The following GNG7 variants were observed in gnomAD, a reference collection of about 807,000 sequenced individuals.
GNG7 encodes the protein G protein subunit gamma 7, also known as guanine nucleotide-binding protein G(I)/G(S)/G(O) subunit gamma-7.
A neutral mutation model predicts 4.0 loss-of-function variants in GNG7; 1 was observed. The ratio of observed to expected loss-of-function variants is 0.25; its 90% confidence interval spans 0.09 to 1.18. GNG7 has a LOEUF of 1.18. GNG7 is among the 50% of genes most tolerant of loss of function. The pLI is 0.50. For synonymous variants in GNG7, 34 were observed against 36.9 expected, an observed-to-expected ratio of 0.92 and a Z score of 0.29; for missense variants, 86 against 91.9, an observed-to-expected ratio of 0.94 and a Z score of 0.26.
At chr19:2,515,873 T>C (rs958458505) in intron 4 of GNG7, among the ~76,000 whole-genome samples, 1 of 151,968 alleles carries the variant, frequency 6.6e-6, no homozygotes, top group Non-Finnish European at 1.5e-5. Context: ...TAAACGTGAT[T>C]GGATGCACAG....
intron 1 of GNG7, among the ~76,000 whole-genome samples, chr19:2,683,918 G>A (rs537213651): frequency 6.6e-6 from 1 of 152,302 alleles, no homozygotes; most frequent in South Asian, 2.1e-4. Flanking sequence ...TCGGCCAGAG[G>A]AGCTCAAATC....
intron 2 of GNG7, among the ~76,000 whole-genome samples, chr19:2,568,692 CAT>C (rs879385944): frequency 6.7e-6 from 1 of 150,316 alleles, no homozygotes; most frequent in Admixed American, 6.7e-5. Context: ...CACATACACA[CAT>C]ACATAAAATA....
rs1416945360 is a variant in GNG7, at chr19:2,626,642, TG to T, written c.-78+19581del. On this transcript the variant is annotated intron_variant, in intron 2 of 4. Transcript: ENST00000382159. This position sits in a 1 kb window ranked among gnomAD's most constrained non-coding sequence, Gnocchi z 5.0. ...GAACAAAGCTCCTGGTGTGGGCACCTGCTTTCACTCTTGGGCGGTGTTGTCT... is the reference window on the plus strand; with the variant it reads ...GAACAAAGCTCCTGGTGTGGGCACCTCTTTCACTCTTGGGCGGTGTTGTCT... Among the ~76,000 whole-genome samples the T allele has an allele frequency of 6.6e-6, 1 of 152,176 alleles. No homozygotes were observed. The highest frequency in any genetic ancestry group is 2.4e-5 in the African/African-American group (1 of 41,438).
intron 3 of GNG7, among the ~76,000 whole-genome samples, chr19:2,544,600 A>C (rs1979065740): frequency 6.6e-6 from 1 of 152,178 alleles, no homozygotes. Flanking sequence ...CATGTTGGCC[A>C]GGTTGGTCTC....
chr19:2,657,348 AAAAAAAAAAAAAAATAT>A (rs1380381789), intron 1 of GNG7, among the ~76,000 whole-genome samples: 9 of 41,104 alleles, frequency 2.2e-4, no homozygotes, highest in South Asian at 1.2e-3. Context: ...AAAAAAAAAA[AAAAAAAAAAAAAAATAT>A]ATATATATAT....
chr19:2,568,097 A>T (rs1036723914), intron 2 of GNG7, among the ~76,000 whole-genome samples: 1 of 150,614 alleles, frequency 6.6e-6, no homozygotes, highest in African/African-American at 2.4e-5. Flanking sequence ...ACACACACAC[A>T]CTTACACACA....
chr19:2,565,989 C>G (rs1361514687), intron 2 of GNG7, among the ~76,000 whole-genome samples: 1 of 151,964 alleles, frequency 6.6e-6, no homozygotes, highest in Non-Finnish European at 1.5e-5. Context: ...GAAACCCCGT[C>G]TCTACTAAAA....
chr19:2,674,400 G>A (rs543185417), intron 1 of GNG7, among the ~76,000 whole-genome samples: 6 of 152,184 alleles, frequency 3.9e-5, no homozygotes, highest in African/African-American at 1.4e-4. Flanking sequence ...AAAAGGGCAA[G>A]GTCTCCAAAG....
intron 2 of GNG7, among the ~76,000 whole-genome samples, chr19:2,584,132 A>G: frequency 6.6e-6 from 1 of 152,004 alleles, no homozygotes; most frequent in Non-Finnish European, 1.5e-5. Context: ...AATTATGGCA[A>G]CGTATCAGAA....
At chr19:2,603,329 T>G (rs1002935656) in intron 2 of GNG7, among the ~76,000 whole-genome samples, 1 of 152,222 alleles carries the variant, frequency 6.6e-6, no homozygotes, top group African/African-American at 2.4e-5. Flanking sequence ...CCTCCCAAAG[T>G]GCTAGGATTA....
chr19:2,644,066 G>A (rs1047499228), intron 2 of GNG7, among the ~76,000 whole-genome samples: 2 of 151,624 alleles, frequency 1.3e-5, no homozygotes, highest in African/African-American at 4.8e-5. Context: ...TGTCGCCCAG[G>A]CTGGAGTGCA....
At position 2,587,120 on chromosome 19, in the gene GNG7, G is replaced by C. The variant is rs186288378; in HGVS notation, c.-77-31932C>G. ...AGACGTCACCCGATGTCCCCCAGGGGCTAGGATCAGCCGCAGGTTAGGACC... is the reference window on the plus strand; with the variant it reads ...AGACGTCACCCGATGTCCCCCAGGGCCTAGGATCAGCCGCAGGTTAGGACC... On this transcript the variant is annotated intron_variant, in intron 2 of 4. Transcript: ENST00000382159. 2.6e-5 allele frequency among the ~76,000 whole-genome samples: 4 copies of C among 152,214 alleles called. No individual in the cohort carries two copies. In the East Asian group the frequency reaches 7.7e-4, roughly 29 times the overall value.
chr19:2,698,777 A>AC (rs151019560), intron 1 of GNG7, among the ~76,000 whole-genome samples: 17,347 of 152,116 alleles, frequency 0.11, 2,304 homozygotes, highest in African/African-American at 0.33. Context: ...TTCCACTACT[A>AC]TCGGTGAACA....
At chr19:2,590,064 G>A (rs548545370) in intron 2 of GNG7, among the ~76,000 whole-genome samples, 8 of 152,208 alleles carry the variant, frequency 5.3e-5, no homozygotes, top group East Asian at 1.9e-4. Flanking sequence ...CACCTGCCTC[G>A]GCCTCCCAAA....
At chr19:2,556,345 A>C (rs1433080030) in intron 2 of GNG7, among the ~76,000 whole-genome samples, 1 of 152,124 alleles carries the variant, frequency 6.6e-6, no homozygotes, top group Non-Finnish European at 1.5e-5. Context: ...CACCGGGCCC[A>C]ACCCAGGCCC....
chr19:2,644,016 CTTTAT>C (rs535827552), intron 2 of GNG7, among the ~76,000 whole-genome samples: 13 of 152,050 alleles, frequency 8.5e-5, no homozygotes, highest in Non-Finnish European at 1.5e-4. Flanking sequence ...TGCATCTACA[CTTTAT>C]TTTATTTTAT....
chr19:2,663,404 C>G (rs1983228179), intron 1 of GNG7, among the ~76,000 whole-genome samples: 1 of 151,632 alleles, frequency 6.6e-6, no homozygotes, highest in African/African-American at 2.4e-5. Context: ...CTCTTTTGCC[C>G]TTCCACCTCT....
At chr19:2,659,125 A>G (rs901021697) in intron 1 of GNG7, among the ~76,000 whole-genome samples, 2 of 151,790 alleles carry the variant, frequency 1.3e-5, no homozygotes, top group Non-Finnish European at 1.5e-5. Flanking sequence ...GCCCGCCACC[A>G]CACCTGGCTA....
intron 2 of GNG7, among the ~76,000 whole-genome samples, chr19:2,628,498 T>C (rs1355654389): frequency 6.6e-6 from 1 of 151,722 alleles, no homozygotes; most frequent in Non-Finnish European, 1.5e-5. Context: ...TCTCTCTTTC[T>C]TTCAACTGTG....
Sources: allele counts gnomAD v4.1 joint callset (sites outside exome capture counted in the v4.1 genomes callset), GRCh38; gene constraint gnomAD v4.1.1; non-coding constraint Gnocchi (gnomAD v3.1); transcripts MANE v1.5; gene names NCBI Gene and HGNC (gene_info 2026-07-23, HGNC 2026-07-21).